The following NPAS3 variants were observed in gnomAD, a reference collection of about 807,000 sequenced individuals.
NPAS3 encodes neuronal PAS domain protein 3, also known as neuronal PAS domain-containing protein 3.
NPAS3 carries 14 observed loss-of-function variants against 73.1 expected under a neutral mutation model. The observed-to-expected ratio is 0.19, with a 90% CI of 0.13 to 0.30. The LOEUF (loss-of-function observed/expected upper bound fraction) is 0.30. NPAS3 is among the 10% of genes least tolerant of loss of function. The pLI is 1.00. For missense variants in NPAS3, 1,096 were observed against 1,250.0 expected (o/e 0.88, Z 1.86); for synonymous variants, 620 against 541.5 (o/e 1.14, Z -2.01).
At chr14:33,703,555 G>A (rs2060578835) in intron 6 of NPAS3, among the ~76,000 whole-genome samples, 1 of 151,418 alleles carries the variant, frequency 6.6e-6, no homozygotes, top group African/African-American at 2.4e-5. Context: ...ATTTTTCCAG[G>A]ATCAGGGGAC....
intron 5 of NPAS3, among the ~76,000 whole-genome samples, chr14:33,638,335 A>G (rs539845571): frequency 6.6e-6 from 1 of 152,320 alleles, no homozygotes; most frequent in Admixed American, 6.5e-5. Flanking sequence ...GCTGGCTGTG[A>G]GCACAGCTAT....
chr14:33,382,541 G>A (rs1214111606), intron 4 of NPAS3, among the ~76,000 whole-genome samples: 1 of 152,052 alleles, frequency 6.6e-6, no homozygotes, highest in Non-Finnish European at 1.5e-5. Flanking sequence ...GCTAGGGCGG[G>A]AAAAATACAG....
At chr14:33,162,896 A>G (rs752416610) in intron 2 of NPAS3, among the ~76,000 whole-genome samples, 3 of 152,202 alleles carry the variant, frequency 2.0e-5, no homozygotes, top group Non-Finnish European at 2.9e-5. Context: ...GAGCATCGGT[A>G]GACTTTGGAC....
At chr14:33,691,318 AGAT>A (rs1341065254) in intron 6 of NPAS3, among the ~76,000 whole-genome samples, 4 of 152,368 alleles carry the variant, frequency 2.6e-5, no homozygotes, top group African/African-American at 7.2e-5. Flanking sequence ...ACTAGACAAA[AGAT>A]GATCGTTATT....
chr14:33,232,723 A>G (rs1298202530), intron 3 of NPAS3, among the ~76,000 whole-genome samples: 1 of 152,158 alleles, frequency 6.6e-6, no homozygotes, highest in Non-Finnish European at 1.5e-5. Flanking sequence ...CCCTATTTAA[A>G]TGAGTCCTAT....
intron 2 of NPAS3, among the ~76,000 whole-genome samples, chr14:33,213,029 ATGT>A (rs1317635754): frequency 2.0e-5 from 3 of 152,182 alleles, no homozygotes; most frequent in Non-Finnish European, 2.9e-5. Flanking sequence ...AAAAGTTCAG[ATGT>A]TGTCCTCTAG....
At chr14:33,493,049 T>C (rs2051980432) in intron 4 of NPAS3, among the ~76,000 whole-genome samples, 1 of 152,178 alleles carries the variant, frequency 6.6e-6, no homozygotes, top group African/African-American at 2.4e-5. Flanking sequence ...AGGGGAGTTT[T>C]ACAATTAAAG....
At chr14:33,714,270 T>A (rs1341932367) in intron 6 of NPAS3, among the ~76,000 whole-genome samples, 1 of 151,432 alleles carries the variant, frequency 6.6e-6, no homozygotes, top group Non-Finnish European at 1.5e-5. Flanking sequence ...TTTTTCTAAA[T>A]CTTCTAATGG....
chr14:33,146,298 C>A (rs1057205450), intron 2 of NPAS3, among the ~76,000 whole-genome samples: 1 of 152,084 alleles, frequency 6.6e-6, no homozygotes, highest in East Asian at 1.9e-4. Flanking sequence ...CAAGGGTTTG[C>A]GTAACTGTTC....
chr14:33,096,028 T>A (rs2042409333), intron 2 of NPAS3, among the ~76,000 whole-genome samples: 1 of 150,516 alleles, frequency 6.6e-6, no homozygotes, highest in Non-Finnish European at 1.5e-5. Flanking sequence ...TTAATTTTGT[T>A]AATCTAGTGT....
At chr14:33,744,781 C>A (rs1172229573) in intron 7 of NPAS3, among the ~76,000 whole-genome samples, 1 of 151,506 alleles carries the variant, frequency 6.6e-6, no homozygotes, top group African/African-American at 2.4e-5. Flanking sequence ...CAGAGTGAGA[C>A]CCCATCCCAA....
chr14:32,967,350 G>T (rs1399458631), intron 1 of NPAS3, among the ~76,000 whole-genome samples: 1 of 152,088 alleles, frequency 6.6e-6, no homozygotes, highest in African/African-American at 2.4e-5. Context: ...TATGTTATTG[G>T]CAAGGCTTCT....
At chr14:33,657,376 G>A (rs1567095779) in intron 5 of NPAS3, among the ~76,000 whole-genome samples, 1 of 152,094 alleles carries the variant, frequency 6.6e-6, no homozygotes, top group Non-Finnish European at 1.5e-5. Flanking sequence ...TAGGTGTCTT[G>A]GGAACTATAA....
chr14:33,159,347 G>A (rs985372071), intron 2 of NPAS3, among the ~76,000 whole-genome samples: 24 of 152,118 alleles, frequency 1.6e-4, no homozygotes, highest in Admixed American at 1.1e-3. Context: ...TAAGTCGTGA[G>A]GCATCTTGTA....
chr14:33,069,485 G>C (rs993320240), intron 2 of NPAS3, among the ~76,000 whole-genome samples: 3 of 152,234 alleles, frequency 2.0e-5, no homozygotes, highest in Admixed American at 1.3e-4. Flanking sequence ...GAGAATGTCA[G>C]TGTGGTGGGT....
At chr14:33,427,361 T>C (rs1219344100) in intron 4 of NPAS3, among the ~76,000 whole-genome samples, 5 of 151,976 alleles carry the variant, frequency 3.3e-5, no homozygotes, top group African/African-American at 1.2e-4. Flanking sequence ...CCAGTAGTAA[T>C]CATATTAATT....
chr14:33,522,006 A>C (rs149468626), intron 4 of NPAS3, among the ~76,000 whole-genome samples: 73 of 152,192 alleles, frequency 4.8e-4, no homozygotes, highest in African/African-American at 1.4e-3. Flanking sequence ...GCATTTCTGG[A>C]CGGGTTACTC....
At chr14:33,575,723 T>G (rs2056406934) in intron 5 of NPAS3, among the ~76,000 whole-genome samples, 1 of 152,244 alleles carries the variant, frequency 6.6e-6, no homozygotes, top group African/African-American at 2.4e-5. Context: ...TTTCTAATTG[T>G]TCTTTTTAAC....
chr14:33,047,955 C>G (rs527955838), intron 1 of NPAS3, among the ~76,000 whole-genome samples: 6 of 152,268 alleles, frequency 3.9e-5, no homozygotes, highest in African/African-American at 1.2e-4. Flanking sequence ...TTTATGAAAT[C>G]TGAATAATTT....
Sources: gnomAD v4.1 joint callset for allele counts (sites outside exome capture counted in the v4.1 genomes callset) on GRCh38, gnomAD v4.1.1 for gene constraint, MANE v1.5 for transcripts, NCBI Gene and HGNC (gene_info 2026-07-23, HGNC 2026-07-21) for gene names.